The following BTNL2 variants were observed in gnomAD, a reference collection of about 807,000 sequenced individuals.
BTNL2 encodes the protein butyrophilin-like protein 2.
A neutral mutation model predicts 46.8 loss-of-function variants in BTNL2; 46 were observed. The observed-to-expected ratio is 0.98, with a 90% CI of 0.78 to 1.26. BTNL2 has a LOEUF of 1.26. Ranked by LOEUF, BTNL2 falls within the 50% of genes most tolerant of loss-of-function variation. The pLI, the probability that BTNL2 is intolerant of heterozygous loss-of-function variation, is 0.00. For synonymous variants in BTNL2, 226 were observed against 229.1 expected, an observed-to-expected ratio of 0.99 and a Z score of 0.12; for missense variants, 461 against 592.6, an observed-to-expected ratio of 0.78 and a Z score of 2.31.
At chr6:32,406,800 G>A (rs1777180157) in intron 1 of BTNL2, 3 of 354,528 alleles carry the variant, frequency 8.5e-6, no homozygotes. Context: ...AGTTACTGCT[G>A]TTATTCTCAT....
Position 32,404,950 on chromosome 6 carries a change from A to G in BTNL2, c.416T>C (p.Leu139Pro), listed in dbSNP as rs779824611. The G allele has an allele frequency of 6.2e-7, 1 of 1,612,652 alleles. No individual in the cohort carries two copies. The highest frequency in any genetic ancestry group is 1.1e-5 in the South Asian group (1 of 91,064). Residue 139 changes from leucine to proline, a missense_variant, in exon 2 of 8, where the codon CTC becomes CCC. By Grantham distance (98) the Leu-to-Pro change is moderately conservative. Transcript: ENST00000454136. ...CCCCAGATATTCACCTGCTACTTTG[A>G]GCAGCAAGCTTGTTTCTCCACAGTA... Reference protein sequence around the residue: ...GNYCGETSLLLKVAGLGSAPS... With the variant: ...GNYCGETSLLPKVAGLGSAPS...
Position 32,403,058 on chromosome 6 carries a change from T to C in BTNL2, c.586A>G (p.Lys196Glu), listed in dbSNP as rs2076523. Residue 196 changes from lysine (K) to glutamate (E), a missense_variant, in exon 3 of 8, where the codon AAA becomes GAA. Transcript: ENST00000454136. ...LAVSEHRIQDKDGLFYAEATL... is the reference protein window; with the variant it reads ...LAVSEHRIQDEDGLFYAEATL... ...GCTTCCGCATAGAACAGGCCATCTTTATCTTGGATGCGATGCTCAGACACG... is the reference window on the plus strand; with the variant it reads ...GCTTCCGCATAGAACAGGCCATCTTCATCTTGGATGCGATGCTCAGACACG... 0.37 allele frequency: 599,817 copies of C among 1,612,192 alleles called. 113,868 individuals are homozygous for C. The highest frequency in any genetic ancestry group is 0.52 in the Admixed American group (30,921 of 59,968).
In BTNL2 at chr6:32,401,207, C is replaced by CAAAAAAAAAAAA. The variant is rs9279632; in HGVS notation, c.730+566_730+577dup. The stretch of plus-strand genomic sequence containing the variant: ...TGGGCGACAGAGCAAGACTCCGTCT[C>CAAAAAAAAAAAA]AAAAAAAAAAAAAAAAAAAAAAAAA... On this transcript the variant is annotated intron_variant, in intron 4 of 7. Coordinates refer to ENST00000454136, the MANE Select transcript of BTNL2 (RefSeq NM_001304561.2). Among the ~76,000 whole-genome samples the CAAAAAAAAAAAA allele has an allele frequency of 7.2e-4, 28 of 38,918 alleles. 2 individuals carry two copies. The highest frequency in any genetic ancestry group is 2.4e-3 in the Admixed American group (5 of 2,068). The allele number at this position is 38,918 out of a possible 152,430, so 25.5% of individuals were successfully genotyped here. A position where few individuals can be genotyped will look rare whatever the true frequency, so the allele number is the denominator to read the frequency against.
intron 2 of BTNL2, chr6:32,403,625 A>G (rs755329306): frequency 3.6e-5 from 6 of 167,272 alleles, no homozygotes; most frequent in African/African-American, 1.5e-4. Context: ...CTTGAACTCC[A>G]ATTTGATTGA....
chr6:32,393,921 C>A lies in BTNL2; in HGVS notation c.*6+42G>T. 1 of 1,546,726 alleles carries A rather than the reference C, an allele frequency of 6.5e-7. No individual in the cohort carries two copies. The highest frequency in any genetic ancestry group is 1.2e-5 in the South Asian group (1 of 83,384). ...GCTCGGGGAAGTACGCAGTACGGTT[C>A]CCACTGCAGTGTGCTCCGCTGTTTC... is the stretch of plus-strand genomic sequence containing the variant. On this transcript the variant is annotated intron_variant, in intron 7 of 7. Transcript: ENST00000454136. This position sits in a 1 kb window ranked among gnomAD's most constrained non-coding sequence, Gnocchi z 4.8.
intron 4 of BTNL2, among the ~76,000 whole-genome samples, chr6:32,398,571 G>A (rs180820061): frequency 3.9e-5 from 6 of 152,230 alleles, no homozygotes; most frequent in Non-Finnish European, 5.9e-5. Context: ...CATGGCTTAC[G>A]GTAAATTACT....
chr6:32,397,138 G>GT (rs1776500701), intron 4 of BTNL2, among the ~76,000 whole-genome samples: 1 of 152,036 alleles, frequency 6.6e-6, no homozygotes, highest in Admixed American at 6.5e-5. Flanking sequence ...AAGCACTCAG[G>GT]TACAGAGGCA....
At position 32,401,404 on chromosome 6, in the gene BTNL2, C is replaced by T. The variant is rs141185808; in HGVS notation, c.730+381G>A. On this transcript the variant is annotated intron_variant, in intron 4 of 7. Coordinates refer to ENST00000454136, the MANE Select transcript of BTNL2 (RefSeq NM_001304561.2). ...TGCAACCCAGGTTGTCATAATGATG[C>T]TGCCCTTGTTCACACTTGAAATGTT... Among the ~76,000 whole-genome samples the T allele has an allele frequency of 1.6e-3, 243 of 152,026 alleles. 1 individual carries two copies. The highest frequency in any genetic ancestry group is 2.5e-3 in the Non-Finnish European group (172 of 67,990).
At position 32,402,990 on chromosome 6, in the gene BTNL2, G is replaced by C. The variant is rs928297650; in HGVS notation, c.654C>G (p.Cys218Trp). 1 of 1,612,946 alleles carries C rather than the reference G, an allele frequency of 6.2e-7. No individual in the cohort carries two copies. Among genetic ancestry groups the C allele is most frequent in the African/African-American group, 1.3e-5 (1 of 74,930 alleles). ...CAGTGAGGACGGGGTTGTGGACCAAGCAGGACACAGACTCTGCAGAGGCGT... is the reference window on the plus strand; with the variant it reads ...CAGTGAGGACGGGGTTGTGGACCAACCAGGACACAGACTCTGCAGAGGCGT... ...VRNASAESVS[C>W]LVHNPVLTEE... Residue 218 changes from cysteine to tryptophan, a missense_variant, in exon 3 of 8, where the codon TGC (cysteine) becomes TGG (tryptophan). Cys to Trp is a radical substitution (Grantham distance 215, BLOSUM62 -2). Coordinates refer to ENST00000454136, the MANE Select transcript of BTNL2 (RefSeq NM_001304561.2).
chr6:32,400,018 G>T (rs2294878), intron 4 of BTNL2, among the ~76,000 whole-genome samples: 63,279 of 151,888 alleles, frequency 0.42, 13,492 homozygotes, highest in Admixed American at 0.48. Flanking sequence ...GGGTCGTATT[G>T]TGTGTGCTGG....
At chr6:32,395,128 G>T in intron 5 of BTNL2, 103 bp from the exon 6 acceptor site, 1 of 1,255,504 alleles carries the variant, frequency 8.0e-7, no homozygotes, top group Non-Finnish European at 1.1e-6. Flanking sequence ...CTTGGGGAAG[G>T]GAGAAAAGCT....
intron 4 of BTNL2, among the ~76,000 whole-genome samples, chr6:32,398,904 C>T (rs117091492): frequency 0.012 from 1,811 of 150,808 alleles, 64 homozygotes; most frequent in East Asian, 0.11. Flanking sequence ...CCTTGGGAGC[C>T]ACTATGCCTA....
chr6:32,401,742 C>T, intron 4 of BTNL2, 43 bp downstream of exon 4: 2 of 1,580,114 alleles, frequency 1.3e-6, no homozygotes, highest in Non-Finnish European at 1.7e-6. Flanking sequence ...CTGGGGAGGG[C>T]AGAGGCTCCC....
intron 4 of BTNL2, among the ~76,000 whole-genome samples, chr6:32,397,557 C>A (rs569027473): frequency 0.012 from 1,847 of 152,336 alleles, 63 homozygotes; most frequent in East Asian, 0.11. Context: ...TCTAACACTT[C>A]AATTCTGTAT....
At position 32,403,170 on chromosome 6, in the gene BTNL2, A is replaced by G. The variant is rs143181335; in HGVS notation, c.474T>C (p.Ser158=). 7.1e-4 allele frequency: 1,151 copies of G among 1,610,878 alleles called. 2 individuals carry two copies. Among genetic ancestry groups the G allele is most frequent in the South Asian group, 4.4e-3 (397 of 90,822 alleles). The part of the protein sequence containing the change: ...PSIHMEGPGE[S]GVQLVCTARG... ...TTGCAGTGCACACAAGCTGGACTCC[A>G]CTCTCCCCAGGTCCCTCCATGTGGA... The change falls in exon 3 of 8, where the codon AGT becomes AGC. Residue 158 remains serine, a synonymous_variant. Transcript: ENST00000454136.
In BTNL2 at chr6:32,396,449, T is replaced by G; in HGVS notation, c.731-63A>C. On this transcript the variant is annotated intron_variant, in intron 4 of 7. Coordinates refer to ENST00000454136, the MANE Select transcript of BTNL2 (RefSeq NM_001304561.2). The surrounding 1 kb of genome is among the most constrained non-coding windows in gnomAD (Gnocchi z 4.4). ...AAAATGGAACCAATAATGTCATCTC[T>G]AAGAACAGCTCCATTGGAGTTTAGA... The G allele has an allele frequency of 4.0e-5, 57 of 1,420,878 alleles. No homozygotes were observed. The highest frequency in any genetic ancestry group is 5.3e-5 in the Non-Finnish European group (55 of 1,031,488). The allele number at this position is 1,420,878 out of a possible 1,614,324, so 88.0% of individuals were successfully genotyped here.
Position 32,393,931 on chromosome 6 carries a change from T to G in BTNL2, c.*6+32A>C, listed in dbSNP as rs1234349800. The G allele has an allele frequency of 1.3e-6, 2 of 1,548,492 alleles. No individual in the cohort carries two copies. The highest frequency in any genetic ancestry group is 1.7e-6 in the Non-Finnish European group (2 of 1,145,906). On this transcript the variant is annotated intron_variant, in intron 7 of 7. Transcript: ENST00000454136. This position sits in a 1 kb window ranked among gnomAD's most constrained non-coding sequence, Gnocchi z 4.8. ...GTACGCAGTACGGTTCCCACTGCAG[T>G]GTGCTCCGCTGTTTCTGTTTCCCTG...
chr6:32,395,074 G>C (rs759690206), intron 5 of BTNL2, 49 bp from the exon 6 acceptor site: 1 of 1,508,636 alleles, frequency 6.6e-7, no homozygotes, highest in African/African-American at 1.4e-5. Context: ...AAGTGGATGA[G>C]TGGGCAGCAA....
rs968097825 is a variant in BTNL2, at chr6:32,405,127, C to G, written c.239G>C (p.Gly80Ala). Residue 80 changes from glycine to alanine, a missense_variant, in exon 2 of 8, where the codon GGA becomes GCA. Transcript: ENST00000454136. ...CATCTGCATCTCAGTCACCTCCACT[C>G]CATCCCTGTGCACAAACACAGGTGT... ...PSTPVFVHRD[G>A]VEVTEMQMEE... is the part of the protein sequence containing the mutation. 6.2e-7 allele frequency: 1 copy of G among 1,612,976 alleles called. No homozygotes were observed. The highest frequency in any genetic ancestry group is 1.7e-5 in the Admixed American group (1 of 60,002).
Sources: gnomAD v4.1 joint callset for allele counts (sites outside exome capture counted in the v4.1 genomes callset) on GRCh38, gnomAD v4.1.1 for gene constraint, Gnocchi (gnomAD v3.1) non-coding constraint, MANE v1.5 for transcripts, NCBI Gene and HGNC (gene_info 2026-07-23, HGNC 2026-07-21) for gene names.